Variants in MRTFA observed in about 807,000 individuals in gnomAD.
MRTFA encodes the protein myocardin related transcription factor A.
MRTFA carries 20 observed loss-of-function variants against 83.5 expected under a neutral mutation model. That is an observed-to-expected ratio of 0.24 (90% CI 0.17 to 0.35). The LOEUF (loss-of-function observed/expected upper bound fraction) is 0.35, where lower values mean the gene tolerates loss of function less well. Ranked by LOEUF, MRTFA falls within the 10% of genes least tolerant of loss-of-function variation. MRTFA has a pLI of 1.00. For synonymous variants in MRTFA, 659 were observed against 541.2 expected (o/e 1.22, Z -3.02); for missense variants, 1,200 against 1,224.7 (o/e 0.98, Z 0.30).
At chr22:40,540,059 G>A (rs1439409819) in intron 3 of MRTFA, among the ~76,000 whole-genome samples, 1 of 151,774 alleles carries the variant, frequency 6.6e-6, no homozygotes, top group Non-Finnish European at 1.5e-5. Context: ...GCAGGTACAT[G>A]CCACCATACT....
At chr22:40,506,772 C>T (rs990578335) in intron 3 of MRTFA, among the ~76,000 whole-genome samples, 5 of 152,178 alleles carry the variant, frequency 3.3e-5, no homozygotes, top group Non-Finnish European at 7.3e-5. Context: ...CATTTATCAC[C>T]ATTTTCACTG....
intron 2 of MRTFA, among the ~76,000 whole-genome samples, chr22:40,567,064 T>C (rs2055716377): frequency 6.6e-6 from 1 of 152,186 alleles, no homozygotes; most frequent in African/African-American, 2.4e-5. Flanking sequence ...TTTGTTATTA[T>C]TATCTGTCCT....
intron 3 of MRTFA, among the ~76,000 whole-genome samples, chr22:40,489,206 A>C (rs2054227018): frequency 6.6e-6 from 1 of 152,202 alleles, no homozygotes. Context: ...TGTCCCTCGA[A>C]CACCTGCTTC....
chr22:40,585,229 G>A (rs2056010632), intron 2 of MRTFA, among the ~76,000 whole-genome samples: 3 of 152,136 alleles, frequency 2.0e-5, no homozygotes, highest in Non-Finnish European at 4.4e-5. Context: ...GTCTGAGGTC[G>A]ATGATTACTA....
At chr22:40,575,941 A>AT (rs1245924403) in intron 2 of MRTFA, among the ~76,000 whole-genome samples, 1 of 150,670 alleles carries the variant, frequency 6.6e-6, no homozygotes, top group African/African-American at 2.4e-5. Flanking sequence ...AACACTAAGC[A>AT]TTTTTTTCTG....
At chr22:40,548,856 C>CAAAATATA (rs2055406147) in intron 3 of MRTFA, among the ~76,000 whole-genome samples, 1 of 150,936 alleles carries the variant, frequency 6.6e-6, no homozygotes, top group East Asian at 1.9e-4. Flanking sequence ...GAGTGAGACT[C>CAAAATATA]TGTCTCAAAA....
At chr22:40,505,964 T>C (rs2054573751) in intron 3 of MRTFA, among the ~76,000 whole-genome samples, 1 of 152,224 alleles carries the variant, frequency 6.6e-6, no homozygotes, top group Admixed American at 6.5e-5. Flanking sequence ...CCAGGCGCGG[T>C]GGCTCACACC....
At chr22:40,577,848 C>G (rs1233240130) in intron 2 of MRTFA, among the ~76,000 whole-genome samples, 1 of 151,904 alleles carries the variant, frequency 6.6e-6, no homozygotes, top group African/African-American at 2.4e-5. Flanking sequence ...TCAGGTGATT[C>G]GCCAGCCTCA....
chr22:40,432,456 C>T (rs2147095971), intron 5 of MRTFA, among the ~76,000 whole-genome samples: 1 of 152,188 alleles, frequency 6.6e-6, no homozygotes, highest in Non-Finnish European at 1.5e-5. Context: ...AGTCCCTCAA[C>T]AGTCACAGAG....
In MRTFA at chr22:40,548,502, T is replaced by C. The variant is rs1046812709; in HGVS notation, c.241+3604A>G. Among the ~76,000 whole-genome samples the C allele has an allele frequency of 5.3e-5, 8 of 150,062 alleles. No individual in the cohort carries two copies. In the South Asian group the frequency reaches 1.0e-3, roughly 20 times the overall value. On this transcript the variant is annotated intron_variant, in intron 3 of 14. Transcript: ENST00000355630. ...GGAGGACACAGACGTAGAAAAGAAA[T>C]AGGGGTTTTGAAAAGCCTTGACATT...
chr22:40,545,005 A>G (rs1459705859), intron 3 of MRTFA, among the ~76,000 whole-genome samples: 1 of 151,086 alleles, frequency 6.6e-6, no homozygotes, highest in Non-Finnish European at 1.5e-5. Context: ...TTCTTTTACC[A>G]ATTTTATATA....
chr22:40,633,087 T>C (rs1295911885), intron 1 of MRTFA, among the ~76,000 whole-genome samples: 2 of 152,202 alleles, frequency 1.3e-5, no homozygotes, highest in Admixed American at 6.5e-5. Flanking sequence ...ACTTCATCCA[T>C]AACCCATCAA....
chr22:40,461,628 CAAAAAAAAAAA>C (rs71199287), intron 4 of MRTFA, among the ~76,000 whole-genome samples: 7 of 100,356 alleles, frequency 7.0e-5, no homozygotes, highest in Non-Finnish European at 1.2e-4. Flanking sequence ...ACTAAAAATA[CAAAAAAAAAAA>C]AAAAAAAAAA....
At chr22:40,471,245 A>C (rs1243332382) in intron 3 of MRTFA, among the ~76,000 whole-genome samples, 39 of 148,974 alleles carry the variant, frequency 2.6e-4, no homozygotes, top group Non-Finnish European at 3.9e-4. Context: ...AAAAAAAAAA[A>C]AACAAGAATT....
At chr22:40,572,067 AAAGTCAGATTAT>A (rs565530299) in intron 2 of MRTFA, among the ~76,000 whole-genome samples, 56 of 152,118 alleles carry the variant, frequency 3.7e-4, no homozygotes, top group Non-Finnish European at 7.3e-4. Context: ...GTAAAACCAA[AAAGTCAGATTAT>A]AACAAGTGAT....
chr22:40,603,426 C>A (rs1318765499), intron 1 of MRTFA, among the ~76,000 whole-genome samples: 1 of 152,174 alleles, frequency 6.6e-6, no homozygotes, highest in Non-Finnish European at 1.5e-5. Context: ...TAACCTCTCT[C>A]TATCCAATAG....
chr22:40,576,679 A>G (rs770513267), intron 2 of MRTFA, among the ~76,000 whole-genome samples: 8 of 152,232 alleles, frequency 5.3e-5, no homozygotes, highest in Non-Finnish European at 7.3e-5. Flanking sequence ...ACACCAACAG[A>G]TATCTATCTT....
At chr22:40,591,786 C>T (rs1029467606) in intron 2 of MRTFA, among the ~76,000 whole-genome samples, 7 of 151,910 alleles carry the variant, frequency 4.6e-5, no homozygotes, top group African/African-American at 1.5e-4. Flanking sequence ...AAGGAAGTGG[C>T]CAAGAGGAAA....
At chr22:40,515,039 G>A (rs559154072) in intron 3 of MRTFA, among the ~76,000 whole-genome samples, 13 of 151,430 alleles carry the variant, frequency 8.6e-5, no homozygotes, top group African/African-American at 3.1e-4. Flanking sequence ...CTCCCAAGTA[G>A]CTGGGACTAC....
Sources: allele counts gnomAD v4.1 joint callset (sites outside exome capture counted in the v4.1 genomes callset), GRCh38; gene constraint gnomAD v4.1.1; transcripts MANE v1.5; gene names NCBI Gene and HGNC (gene_info 2026-07-23, HGNC 2026-07-21).